COL19A1: variants seen among roughly 807,000 people sequenced by gnomAD.
COL19A1 encodes collagen alpha-1(XIX) chain.
Under a neutral mutation model 190.2 loss-of-function variants are expected in COL19A1, and 159 were observed. The ratio of observed to expected loss-of-function variants is 0.84; its 90% CI spans 0.73 to 0.95. The LOEUF is 0.95. Ranked by LOEUF, COL19A1 falls within the 40% of genes least tolerant of loss-of-function variation. The probability of loss-of-function intolerance (pLI) is 0.00; values close to 1 mark genes in which losing one functional copy is unlikely to be tolerated. For synonymous variants in COL19A1, 509 were observed against 458.9 expected, an observed-to-expected ratio of 1.11 and a Z score of -1.39; for missense variants, 1,418 against 1,431.9, an observed-to-expected ratio of 0.99 and a Z score of 0.16.
In COL19A1 at chr6:70,188,083, G is replaced by A. The variant is rs1171532452; in HGVS notation, c.2865G>A (p.Gln955=). Residue 955 remains glutamine, a synonymous_variant, in exon 47 of 51, where the codon CAG becomes CAA. Transcript: ENST00000620364. ...TATTTTTTCCTTAACAGGGTGATCA[G>A]GGGATTCCAGGAGACAGAGGCTCAC... ...DRGPKGERGD[Q]GIPGDRGSQG... is the part of the protein sequence containing the mutation. 4 of 1,613,422 alleles carry A rather than the reference G, an allele frequency of 2.5e-6. No homozygotes were observed. In the East Asian group the frequency reaches 8.9e-5, roughly 36 times the overall value.
At chr6:70,093,540 G>T (rs9446194) in intron 15 of COL19A1, among the ~76,000 whole-genome samples, 1 of 151,912 alleles carries the variant, frequency 6.6e-6, no homozygotes, top group African/African-American at 2.4e-5. Context: ...GTAGAGAGAC[G>T]TGAGGGCAAG....
chr6:69,931,240 AT>A lies in COL19A1; in HGVS notation c.667-1534del, dbSNP rs112883188. ...AGAAAGTGACAAAACTGATATGAAG[AT>A]TTTTTTTTAAATCAACTCAGCATTT... On this transcript the variant is annotated intron_variant, in intron 6 of 50. Transcript: ENST00000620364. Among the ~76,000 whole-genome samples, 114 of 151,886 alleles carry A rather than the reference AT, an allele frequency of 7.5e-4. 1 individual carries two copies. In the Middle Eastern group the frequency reaches 0.01, roughly 14 times the overall value.
intron 12 of COL19A1, among the ~76,000 whole-genome samples, chr6:70,025,653 GTTCT>G (rs1443257716): frequency 2.6e-5 from 4 of 152,180 alleles, no homozygotes. Context: ...TGTGTTTTCT[GTTCT>G]TTCTATTACA....
At chr6:70,028,176 G>A (rs1339745948) in intron 12 of COL19A1, among the ~76,000 whole-genome samples, 1 of 152,112 alleles carries the variant, frequency 6.6e-6, no homozygotes, top group Non-Finnish European at 1.5e-5. Flanking sequence ...TGCATACAGT[G>A]GGAGCCATAA....
chr6:70,173,816 A>G (rs1480628963), intron 41 of COL19A1, among the ~76,000 whole-genome samples: 2 of 152,178 alleles, frequency 1.3e-5, no homozygotes, highest in African/African-American at 4.8e-5. Flanking sequence ...GTTTTATAAG[A>G]TAGATTTTGA....
chr6:70,004,042 C>T (rs1427683371), intron 11 of COL19A1, among the ~76,000 whole-genome samples: 1 of 152,164 alleles, frequency 6.6e-6, no homozygotes, highest in Non-Finnish European at 1.5e-5. Flanking sequence ...ATGCTTCTTT[C>T]AGGAGCTCTT....
intron 11 of COL19A1, among the ~76,000 whole-genome samples, chr6:69,981,948 G>C (rs1776056547): frequency 6.6e-6 from 1 of 152,088 alleles, no homozygotes; most frequent in Non-Finnish European, 1.5e-5. Context: ...ATGGATTAAA[G>C]ATAGGAAAAG....
rs575924819 is a variant in COL19A1 at position 70,005,362 on chromosome 6, T to C, written c.1027-18265T>C. On this transcript the variant is annotated intron_variant, in intron 11 of 50. Transcript: ENST00000620364. ...GGGACTTTTGTTTTTCTTGATACTG[T>C]TGTTGTTGCTTTCTGTTTGTTTATT... Among the ~76,000 whole-genome samples the C allele has an allele frequency of 1.3e-4, 20 of 152,274 alleles. No individual in the cohort carries two copies. In the East Asian group the frequency reaches 3.7e-3, roughly 28 times the overall value.
intron 1 of COL19A1, among the ~76,000 whole-genome samples, chr6:69,868,386 G>A (rs1428037831): frequency 6.6e-6 from 1 of 152,050 alleles, no homozygotes; most frequent in Non-Finnish European, 1.5e-5. Context: ...TTCCTGAGGA[G>A]GGCTGACAGG....
intron 18 of COL19A1, among the ~76,000 whole-genome samples, chr6:70,132,600 G>C (rs1050635763): frequency 1.8e-4 from 27 of 152,150 alleles, no homozygotes; most frequent in East Asian, 1.9e-4. Context: ...TGTTGCACCT[G>C]TGGCGAACCC....
chr6:69,924,700 C>G (rs1264087408), intron 4 of COL19A1, among the ~76,000 whole-genome samples: 1 of 152,178 alleles, frequency 6.6e-6, no homozygotes, highest in Non-Finnish European at 1.5e-5. Context: ...ACAGTCCCAC[C>G]AACAGTGTAA....
chr6:70,156,245 C>G lies in COL19A1; in HGVS notation c.2184+14C>G. The G allele has an allele frequency of 6.2e-7, 1 of 1,613,086 alleles. No individual in the cohort carries two copies. The highest frequency in any genetic ancestry group is 8.5e-7 in the Non-Finnish European group (1 of 1,179,414). ...ATGGCCCGGAAGGTGAGAAGCCTGG[C>G]TGAATGTTTACGATCCCTGTGGGTT... On this transcript the variant is annotated intron_variant, in intron 32 of 50. Coordinates refer to ENST00000620364, the MANE Select transcript of COL19A1 (RefSeq NM_001858.6).
At chr6:70,036,347 C>T (rs1779351414) in intron 14 of COL19A1, among the ~76,000 whole-genome samples, 2 of 152,168 alleles carry the variant, frequency 1.3e-5, no homozygotes, top group African/African-American at 4.8e-5. Context: ...AAACAGCTAC[C>T]TATTTAAACT....
chr6:70,034,342 C>G (rs751465922), intron 13 of COL19A1, 44 bp downstream of exon 13: 14 of 1,425,424 alleles, frequency 9.8e-6, no homozygotes, highest in Non-Finnish European at 1.2e-5. Context: ...TTTAAGAAAA[C>G]TCTGACAACC....
In COL19A1 at chr6:70,130,195, A is replaced by T. The variant is rs376367028; in HGVS notation, c.1355A>T (p.His452Leu). Residue 452 changes from histidine (H) to leucine (L), a missense_variant, in exon 18 of 51, where the codon CAT becomes CTT. By Grantham distance (99) the His-to-Leu change is moderately conservative. Transcript: ENST00000620364. ...YNKDNKGNDE[H>L]EAGGLKGDKG... ...TTTCACCCCTAGGGAAATGATGAAC[A>T]TGAAGCTGGAGGCCTGAAAGGAGAC... 5 of 1,612,026 alleles carry T rather than the reference A, an allele frequency of 3.1e-6. No homozygotes were observed. The South Asian group carries it at 5.5e-5, about 18-fold the overall frequency.
intron 15 of COL19A1, among the ~76,000 whole-genome samples, chr6:70,073,232 C>T (rs948034784): frequency 6.6e-6 from 1 of 152,098 alleles, no homozygotes; most frequent in Non-Finnish European, 1.5e-5. Context: ...AGGTGATCCA[C>T]GCTCCTTGGC....
chr6:70,049,173 T>G (rs140847015), intron 14 of COL19A1, among the ~76,000 whole-genome samples: 102 of 152,142 alleles, frequency 6.7e-4, no homozygotes, highest in African/African-American at 2.4e-3. Flanking sequence ...ACTATTAGTT[T>G]TCTAAAGTTG....
chr6:69,932,788 A>C lies in COL19A1; in HGVS notation c.672A>C (p.Glu224Asp), dbSNP rs1379369218. 8.8e-6 allele frequency: 14 copies of C among 1,593,212 alleles called. No homozygotes were observed. The highest frequency in any genetic ancestry group is 1.1e-5 in the Non-Finnish European group (13 of 1,166,336). Reference sequence around the variant, plus strand: ...TATTACTAATTTTTTCATAGATTGAACTTCACCAACTTAAAATCTACTGCA... The same window carrying C: ...TATTACTAATTTTTTCATAGATTGACCTTCACCAACTTAAAATCTACTGCA... ...RASDGKPVDI[E>D]LHQLKIYCSA... is the part of the protein sequence containing the mutation. Residue 224 changes from glutamate to aspartate, a missense_variant, in exon 7 of 51, where the codon GAA becomes GAC. Glu to Asp is a conservative substitution (Grantham distance 45). Coordinates refer to ENST00000620364, the MANE Select transcript of COL19A1 (RefSeq NM_001858.6).
At chr6:70,051,093 C>G (rs906637859) in intron 14 of COL19A1, among the ~76,000 whole-genome samples, 2 of 152,032 alleles carry the variant, frequency 1.3e-5, no homozygotes, top group East Asian at 3.8e-4. Context: ...TTCTCTTTTA[C>G]CTTTCCTAAG....
Sources: gnomAD v4.1 joint callset for allele counts (sites outside exome capture counted in the v4.1 genomes callset) on GRCh38, gnomAD v4.1.1 for gene constraint, MANE v1.5 for transcripts, NCBI Gene and HGNC (gene_info 2026-07-23, HGNC 2026-07-21) for gene names.